TTC7B: variants seen among roughly 807,000 people sequenced by gnomAD.
TTC7B encodes the protein tetratricopeptide repeat protein 7B.
In TTC7B, 28 loss-of-function variants were observed where a neutral mutation model predicts 106.8. The observed-to-expected ratio is 0.26, with a 90% CI of 0.19 to 0.36. The LOEUF is 0.36. Ranked by LOEUF, TTC7B falls within the 10% of genes least tolerant of loss-of-function variation. TTC7B has a pLI of 1.00. For missense variants in TTC7B, 862 were observed against 1,076.4 expected (o/e 0.80, Z 2.79); for synonymous variants, 405 against 430.6 (o/e 0.94, Z 0.74).
chr14:90,768,639 T>C (rs1469704597), intron 3 of TTC7B, among the ~76,000 whole-genome samples: 1 of 152,092 alleles, frequency 6.6e-6, no homozygotes, highest in Non-Finnish European at 1.5e-5. Flanking sequence ...ATTAAGAAAT[T>C]CCCAAGTAAA....
intron 19 of TTC7B, among the ~76,000 whole-genome samples, chr14:90,560,265 C>G (rs556418587): frequency 6.6e-6 from 1 of 152,180 alleles, no homozygotes; most frequent in East Asian, 1.9e-4. Flanking sequence ...CCACCATGGC[C>G]GATTCCAAGC....
chr14:90,567,856 C>T (rs1368123650), intron 19 of TTC7B: 4 of 152,248 alleles, frequency 2.6e-5, no homozygotes, highest in Non-Finnish European at 4.4e-5. Context: ...TTTCCATCTG[C>T]AACCGGTCCG....
chr14:90,586,949 CA>C (rs1230592686), intron 18 of TTC7B, among the ~76,000 whole-genome samples: 1 of 152,222 alleles, frequency 6.6e-6, no homozygotes, highest in African/African-American at 2.4e-5. Context: ...CCTTTTCCTT[CA>C]CCCCTCAACA....
At chr14:90,546,116 C>T (rs191583465) in intron 19 of TTC7B, among the ~76,000 whole-genome samples, 20 of 152,310 alleles carry the variant, frequency 1.3e-4, no homozygotes, top group South Asian at 2.1e-4. Flanking sequence ...CAGCCCATGA[C>T]GGGATCAACC....
chr14:90,723,301 G>A (rs1218106012), intron 5 of TTC7B, among the ~76,000 whole-genome samples: 4 of 152,068 alleles, frequency 2.6e-5, no homozygotes, highest in African/African-American at 4.8e-5. Flanking sequence ...CACTTCTCTT[G>A]GTCTCTATAC....
chr14:90,741,103 C>T (rs11848577), intron 4 of TTC7B, among the ~76,000 whole-genome samples: 14,490 of 152,154 alleles, frequency 0.095, 1,694 homozygotes, highest in African/African-American at 0.28. Context: ...GCCAGGGTCC[C>T]AACACTGGCA....
chr14:90,745,297 CAAAAA>C (rs71461925), intron 3 of TTC7B, among the ~76,000 whole-genome samples: 3 of 108,752 alleles, frequency 2.8e-5, no homozygotes, highest in Admixed American at 9.7e-5. Context: ...CCCTGTCTCC[CAAAAA>C]AAAAAAAAAA....
intron 3 of TTC7B, chr14:90,772,920 C>G (rs969821231): frequency 6.6e-6 from 1 of 152,244 alleles, no homozygotes; most frequent in Non-Finnish European, 1.5e-5. Context: ...GAGATCACAC[C>G]AGCCTGGCAA....
intron 17 of TTC7B, among the ~76,000 whole-genome samples, chr14:90,602,384 T>G (rs1055920746): frequency 6.6e-6 from 1 of 152,168 alleles, no homozygotes; most frequent in Non-Finnish European, 1.5e-5. Context: ...ATGTGACAAG[T>G]CACTAATGAC....
At position 90,600,228 on chromosome 14, in the gene TTC7B, C is replaced by T. The variant is rs111927586; in HGVS notation, c.1967-6602G>A. On this transcript the variant is annotated intron_variant, in intron 17 of 19. Transcript: ENST00000328459. The surrounding 1 kb of genome is among the most constrained non-coding windows in gnomAD (Gnocchi z 4.3). ...GCTGTCCCCTCATCTCCCTGGTGCC[C>T]GGGAGTTAGGACAATTCCCATCTTT... 2.1e-4 allele frequency among the ~76,000 whole-genome samples: 32 copies of T among 152,280 alleles called. No individual in the cohort carries two copies. The highest frequency in any genetic ancestry group is 4.6e-4 in the Admixed American group (7 of 15,300).
intron 7 of TTC7B, among the ~76,000 whole-genome samples, chr14:90,689,209 T>C (rs571380465): frequency 1.8e-4 from 28 of 152,324 alleles, no homozygotes; most frequent in African/African-American, 6.7e-4. Flanking sequence ...GTTAGATGGC[T>C]TACAGATAGC....
intron 6 of TTC7B, 71 bp from the exon 7 acceptor site, chr14:90,689,783 T>A (rs1319927196): frequency 7.3e-6 from 11 of 1,515,784 alleles, no homozygotes; most frequent in Non-Finnish European, 9.8e-6. Flanking sequence ...AGTCAGTCAA[T>A]AAATATTTAT....
Position 90,816,332 on chromosome 14 carries a change from C to T in TTC7B, c.-37G>A, listed in dbSNP as rs750027932. On this transcript the variant is annotated 5_prime_UTR_variant, in exon 1 of 20. Transcript: ENST00000328459. ...CGGGCCCGGCCGCCCGCCCCGCAGG[C>T]CCCACCGCCGCCGCCGCGGCGCCCC... The T allele has an allele frequency of 1.0e-6, 1 of 977,086 alleles. No homozygotes were observed. The highest frequency in any genetic ancestry group is 1.2e-6 in the Non-Finnish European group (1 of 822,882). 60.5% of individuals were successfully genotyped at this position (977,086 alleles called of 1,614,324 possible). A position where few individuals can be genotyped will look rare whatever the true frequency, so the allele number is the denominator to read the frequency against.
intron 6 of TTC7B, among the ~76,000 whole-genome samples, chr14:90,690,510 T>C (rs891239246): frequency 2.0e-5 from 3 of 152,198 alleles, no homozygotes; most frequent in Non-Finnish European, 4.4e-5. Context: ...GAAAAGAATG[T>C]GTGGTATGTA....
chr14:90,597,317 G>A (rs1357126146), intron 17 of TTC7B, among the ~76,000 whole-genome samples: 1 of 152,056 alleles, frequency 6.6e-6, no homozygotes, highest in Non-Finnish European at 1.5e-5. Flanking sequence ...GAAGGAGGGG[G>A]AAGGAAAAAC....
chr14:90,622,972 A>C (rs1175808782), intron 15 of TTC7B, among the ~76,000 whole-genome samples: 1 of 151,822 alleles, frequency 6.6e-6, no homozygotes, highest in Admixed American at 6.6e-5. Flanking sequence ...AGCTTCCCCC[A>C]TGTGTCACTC....
intron 3 of TTC7B, among the ~76,000 whole-genome samples, chr14:90,777,030 G>C (rs4904728): frequency 0.27 from 41,228 of 152,020 alleles, 9,164 homozygotes; most frequent in African/African-American, 0.62. Flanking sequence ...GAGATCAGGA[G>C]TTCGAGACCA....
chr14:90,594,442 C>T (rs1479185045), intron 17 of TTC7B, among the ~76,000 whole-genome samples: 2 of 152,068 alleles, frequency 1.3e-5, no homozygotes, highest in Non-Finnish European at 2.9e-5. Context: ...GATCGGAGAC[C>T]ACCTCCTTAA....
intron 15 of TTC7B, among the ~76,000 whole-genome samples, chr14:90,631,665 C>G (rs1320235124): frequency 5.9e-5 from 9 of 152,150 alleles, no homozygotes; most frequent in Non-Finnish European, 1.3e-4. Flanking sequence ...CTCAGCCTCC[C>G]AAAGTGCTGG....
Sources: gnomAD v4.1 joint callset for allele counts (sites outside exome capture counted in the v4.1 genomes callset) on GRCh38, gnomAD v4.1.1 for gene constraint, Gnocchi (gnomAD v3.1) non-coding constraint, MANE v1.5 for transcripts, NCBI Gene and HGNC (gene_info 2026-07-23, HGNC 2026-07-21) for gene names.